The following TPRA1 variants were observed in gnomAD, a reference collection of about 807,000 sequenced individuals.
TPRA1 encodes the protein transmembrane protein adipocyte-associated 1.
TPRA1 carries 28 observed loss-of-function variants against 40.1 expected under a neutral mutation model. That is an observed-to-expected ratio of 0.70 (90% CI 0.52 to 0.96). The LOEUF is 0.96. Ranked by LOEUF, TPRA1 falls within the 40% of genes least tolerant of loss-of-function variation. The pLI is 0.00. For missense variants in TPRA1, 441 were observed against 482.6 expected (o/e 0.91, Z 0.81); for synonymous variants, 219 against 209.7 (o/e 1.04, Z -0.38).
In TPRA1 at chr3:127,576,169, C is replaced by A; in HGVS notation, c.499-119G>T. 1.3e-6 allele frequency: 1 copy of A among 794,186 alleles called. No homozygotes were observed. 49.2% of individuals were successfully genotyped at this position (794,186 alleles called of 1,614,324 possible). ...ACCACACCAAGTTCAGCCTCTTGGC[C>A]TGACCCTCAACTCACCTGCCCCAGT... On this transcript the variant is annotated intron_variant, in intron 6 of 10. Coordinates refer to ENST00000355552, the MANE Select transcript of TPRA1 (RefSeq NM_001136053.4). This position sits in a 1 kb window ranked among gnomAD's most constrained non-coding sequence, Gnocchi z 4.6.
At position 127,572,858 on chromosome 3, in the gene TPRA1, C is replaced by A. The variant is rs1005841769; in HGVS notation, c.*663G>T. 6.6e-6 allele frequency among the ~76,000 whole-genome samples: 1 copy of A among 152,130 alleles called. No individual in the cohort carries two copies. Among genetic ancestry groups the A allele is most frequent in the Non-Finnish European group, 1.5e-5 (1 of 68,014 alleles). ...AGTTCTCCTCTCTCTCCATGTCTGT[C>A]CCCCCTACTCAGATGGGCCCAGGGG... On this transcript the variant is annotated 3_prime_UTR_variant, in exon 11 of 11. Coordinates refer to ENST00000355552, the MANE Select transcript of TPRA1 (RefSeq NM_001136053.4).
intron 1 of TPRA1, among the ~76,000 whole-genome samples, chr3:127,582,607 C>A (rs2073866518): frequency 3.3e-5 from 5 of 150,770 alleles, no homozygotes. Flanking sequence ...AAGGCTGAGG[C>A]AGGAGAATGG....
intron 2 of TPRA1, 48 bp from the exon 3 acceptor site, chr3:127,579,920 AC>A: frequency 6.2e-7 from 1 of 1,609,384 alleles, no homozygotes; most frequent in Non-Finnish European, 8.5e-7. Flanking sequence ...CCACATATGC[AC>A]CCCCTCTCCA....
intron 3 of TPRA1, among the ~76,000 whole-genome samples, chr3:127,578,330 G>A (rs1047724469): frequency 6.6e-6 from 1 of 152,216 alleles, no homozygotes. Context: ...ATCAACATCT[G>A]TTATGCAGAA....
chr3:127,588,753 TC>T (rs2074078356), intron 1 of TPRA1, among the ~76,000 whole-genome samples: 1 of 152,186 alleles, frequency 6.6e-6, no homozygotes, highest in Admixed American at 6.5e-5. Flanking sequence ...GATGCACACT[TC>T]CTATGTGCAG....
intron 1 of TPRA1, among the ~76,000 whole-genome samples, chr3:127,582,476 G>A (rs1437715810): frequency 1.3e-5 from 2 of 152,066 alleles, no homozygotes; most frequent in African/African-American, 2.4e-5. Context: ...CAAGGCAGGC[G>A]AATCACTTGC....
chr3:127,575,684 C>T (rs1457593259), intron 8 of TPRA1, 65 bp downstream of exon 8: 8 of 1,581,584 alleles, frequency 5.1e-6, no homozygotes, highest in Non-Finnish European at 6.9e-6. Flanking sequence ...GCTACCAGCT[C>T]TACAGTGGCC....
chr3:127,582,495 G>A (rs149550778), intron 1 of TPRA1, among the ~76,000 whole-genome samples: 1 of 152,252 alleles, frequency 6.6e-6, no homozygotes, highest in East Asian at 1.9e-4. Context: ...GCGGTCAGGA[G>A]TTCAAGACAA....
At chr3:127,580,295 C>A (rs1233597462) in intron 1 of TPRA1, 132 bp from the exon 2 acceptor site, 4 of 1,042,578 alleles carry the variant, frequency 3.8e-6, no homozygotes, top group African/African-American at 1.6e-5. Context: ...TCCCCACCCA[C>A]TGCAGCTCAG....
rs754386607 is a variant in TPRA1, at chr3:127,577,053, GC to G, written c.281del (p.Gly94AlafsTer9). On this transcript the variant is annotated frameshift_variant, in exon 4 of 11. Coordinates refer to ENST00000355552, the MANE Select transcript of TPRA1 (RefSeq NM_001136053.4). LOFTEE classifies it high-confidence loss of function. ...TCATGGATACCACGGCCCGGGCAAT[GC>G]CCACCAGCGCCACCACAAACACCTG... ...YILVFVVALVGIARAVVSMTV... is the reference protein window; with the variant it reads ...YILVFVVALVXIARAVVSMTV... The G allele has an allele frequency of 1.2e-6, 2 of 1,613,312 alleles. No homozygotes were observed. The highest frequency in any genetic ancestry group is 2.7e-5 in the African/African-American group (2 of 74,922).
chr3:127,586,226 G>A (rs1009281933), intron 1 of TPRA1, among the ~76,000 whole-genome samples: 11 of 152,200 alleles, frequency 7.2e-5, no homozygotes, highest in East Asian at 5.8e-4. Context: ...GGTGTGCAGC[G>A]CGCCTCCTGC....
At chr3:127,583,157 A>T (rs2073885195) in intron 1 of TPRA1, among the ~76,000 whole-genome samples, 1 of 151,354 alleles carries the variant, frequency 6.6e-6, no homozygotes, top group Admixed American at 6.6e-5. Context: ...AAAAAAAAAA[A>T]AAAAAATTAG....
At chr3:127,580,300 G>T in intron 1 of TPRA1, 137 bp from the exon 2 acceptor site, 2 of 982,624 alleles carry the variant, frequency 2.0e-6, no homozygotes, top group Non-Finnish European at 2.9e-6. Context: ...ACCCACTGCA[G>T]CTCAGTGTGG....
upstream of TPRA1, among the ~76,000 whole-genome samples, chr3:127,592,524 T>C (rs371415994): frequency 3.6e-3 from 539 of 151,552 alleles, 3 homozygotes; most frequent in African/African-American, 0.012. Flanking sequence ...TAGCTGGGAC[T>C]ACAGGCGCCC....
At chr3:127,588,945 G>A (rs1342903842) in intron 1 of TPRA1, among the ~76,000 whole-genome samples, 1 of 152,220 alleles carries the variant, frequency 6.6e-6, no homozygotes, top group Non-Finnish European at 1.5e-5. Context: ...CAAAGAAGTG[G>A]GAGGGGTTGG....
intron 1 of TPRA1, among the ~76,000 whole-genome samples, chr3:127,587,819 A>C (rs2074044556): frequency 6.6e-6 from 1 of 151,508 alleles, no homozygotes; most frequent in South Asian, 2.1e-4. Flanking sequence ...TGGGATTACC[A>C]GAGAAGAGAC....
intron 3 of TPRA1, 111 bp from the exon 4 acceptor site, chr3:127,577,187 A>G: frequency 8.8e-7 from 1 of 1,139,724 alleles, no homozygotes; most frequent in South Asian, 1.3e-5. Context: ...GAGGTCGGAA[A>G]GGAGGAAGGC....
Position 127,590,268 on chromosome 3 carries a change from C to T in TPRA1, c.-18+142G>A, listed in dbSNP as rs374468684. On this transcript the variant is annotated intron_variant, in intron 1 of 10. Transcript: ENST00000355552. Reference sequence around the variant, plus strand: ...CAGGGCCTTCCCTCCCAAACGCCGCCTTGGCCGTCCGAGCTGCGCCCGAGC... The same window carrying T: ...CAGGGCCTTCCCTCCCAAACGCCGCTTTGGCCGTCCGAGCTGCGCCCGAGC... 11 of 152,372 alleles carry T rather than the reference C, an allele frequency of 7.2e-5. No individual in the cohort carries two copies. The East Asian group carries it at 1.9e-3, about 27-fold the overall frequency. 9.4% of individuals were successfully genotyped at this position (152,372 alleles called of 1,614,324 possible).
At chr3:127,598,210 C>T, upstream of TPRA1, 1 of 581,820 alleles carries the variant, frequency 1.7e-6, no homozygotes, top group Non-Finnish European at 3.1e-6. Flanking sequence ...GCTCCAGCTC[C>T]CACCACAGCG....
Sources: gnomAD v4.1 joint callset for allele counts (sites outside exome capture counted in the v4.1 genomes callset) on GRCh38, gnomAD v4.1.1 for gene constraint, Gnocchi (gnomAD v3.1) non-coding constraint, MANE v1.5 for transcripts, NCBI Gene and HGNC (gene_info 2026-07-23, HGNC 2026-07-21) for gene names.